The following PSEN1 variants were observed in gnomAD, a reference collection of about 807,000 sequenced individuals.
PSEN1 encodes the protein presenilin-1.
In PSEN1, 15 loss-of-function variants were observed where a neutral mutation model predicts 53.5. The ratio of observed to expected loss-of-function variants is 0.28; its 90% CI spans 0.19 to 0.43. PSEN1 has a LOEUF of 0.43. Among genes scored for constraint, PSEN1 ranks in the 20% least tolerant of loss-of-function variants. PSEN1 has a pLI of 1.00. For missense variants in PSEN1, 387 were observed against 571.2 expected, an observed-to-expected ratio of 0.68 and a Z score of 3.29; for synonymous variants, 208 against 209.8, an observed-to-expected ratio of 0.99 and a Z score of 0.08.
Position 73,220,534 on chromosome 14 carries a change from T to C in PSEN1, c.*1245T>C, listed in dbSNP as rs1367898818. 1 of 152,128 alleles carries C rather than the reference T, an allele frequency of 6.6e-6. No individual in the cohort carries two copies. Among genetic ancestry groups the C allele is most frequent in the Non-Finnish European group, 1.5e-5 (1 of 68,014 alleles). 9.4% of individuals were successfully genotyped at this position (152,128 alleles called of 1,614,324 possible). The stretch of plus-strand genomic sequence containing the variant: ...ACAAAGCAAGAGTTGGGGAAAGCCA[T>C]ATTTAACTTGGTGAGCTGTGGGAGA... On this transcript the variant is annotated 3_prime_UTR_variant, in exon 12 of 12. Transcript: ENST00000324501.
intron 1 of PSEN1, chr14:73,147,537 A>G (rs975752588): frequency 2.5e-4 from 48 of 194,830 alleles, no homozygotes; most frequent in African/African-American, 1.1e-3. Context: ...ACATTCCTTA[A>G]GATTACTCAG....
chr14:73,189,864 TG>T, intron 6 of PSEN1: 1 of 234,148 alleles, frequency 4.3e-6, no homozygotes, highest in East Asian at 1.5e-4. Context: ...AAGAAGCCCT[TG>T]ACCTTTACCA....
intron 8 of PSEN1, among the ~76,000 whole-genome samples, chr14:73,203,130 G>C (rs984520669): frequency 1.3e-5 from 2 of 152,150 alleles, no homozygotes; most frequent in African/African-American, 4.8e-5. Context: ...CCAGGCTGAA[G>C]TGCAATGGCA....
chr14:73,153,683 T>G (rs1353450777), intron 3 of PSEN1, among the ~76,000 whole-genome samples: 1 of 151,718 alleles, frequency 6.6e-6, no homozygotes, highest in Non-Finnish European at 1.5e-5. Context: ...TTTTGCCCAT[T>G]AAGTCTTAAA....
At chr14:73,190,953 A>G (rs770586574) in intron 6 of PSEN1, among the ~76,000 whole-genome samples, 24 of 152,240 alleles carry the variant, frequency 1.6e-4, no homozygotes, top group Non-Finnish European at 2.9e-4. Flanking sequence ...TTGGAATTTC[A>G]AAGTGGGAGA....
intron 6 of PSEN1, among the ~76,000 whole-genome samples, chr14:73,192,283 T>C (rs1566641729): frequency 6.6e-6 from 1 of 151,632 alleles, no homozygotes; most frequent in Non-Finnish European, 1.5e-5. Context: ...ACAAAAAAAA[T>C]TAGAAAAATT....
chr14:73,182,166 G>A (rs1595014871), intron 5 of PSEN1, among the ~76,000 whole-genome samples: 2 of 152,120 alleles, frequency 1.3e-5, no homozygotes, highest in African/African-American at 4.8e-5. Flanking sequence ...AGTGTTACAA[G>A]CATATGTTAC....
At chr14:73,142,519 G>A (rs1001479789) in intron 1 of PSEN1, among the ~76,000 whole-genome samples, 2 of 152,202 alleles carry the variant, frequency 1.3e-5, no homozygotes, top group African/African-American at 4.8e-5. Context: ...AAAAGAAAAT[G>A]GAATCAATAA....
chr14:73,201,173 C>T (rs188247683), intron 8 of PSEN1, among the ~76,000 whole-genome samples: 1,786 of 152,206 alleles, frequency 0.012, 21 homozygotes, highest in Middle Eastern at 0.051. Context: ...ACTGCAAGCT[C>T]CGCCTCCTGG....
chr14:73,154,037 T>C (rs1428613366), intron 3 of PSEN1, among the ~76,000 whole-genome samples: 1 of 152,090 alleles, frequency 6.6e-6, no homozygotes, highest in African/African-American at 2.4e-5. Flanking sequence ...CAAATATTAA[T>C]TATTGAAAAA....
chr14:73,174,689 A>G (rs900207373), intron 5 of PSEN1, among the ~76,000 whole-genome samples: 1 of 152,216 alleles, frequency 6.6e-6, no homozygotes, highest in African/African-American at 2.4e-5. Flanking sequence ...AGTACAGAAC[A>G]ATAAAGCCAT....
chr14:73,177,228 T>C (rs1898071402), intron 5 of PSEN1, among the ~76,000 whole-genome samples: 1 of 152,254 alleles, frequency 6.6e-6, no homozygotes, highest in African/African-American at 2.4e-5. Context: ...AATATAACTT[T>C]TAATGTAGTA....
At chr14:73,146,824 T>A (rs1483749158) in intron 1 of PSEN1, among the ~76,000 whole-genome samples, 1 of 152,220 alleles carries the variant, frequency 6.6e-6, no homozygotes, top group Non-Finnish European at 1.5e-5. Flanking sequence ...TAGCGTTAGG[T>A]ATGTACACGG....
rs1313729184 is a variant in PSEN1, at chr14:73,197,568, A to G, written c.770-463A>G. 1.8e-5 allele frequency: 3 copies of G among 171,180 alleles called. No homozygotes were observed. In the South Asian group the frequency reaches 4.2e-4, roughly 24 times the overall value. 10.6% of individuals were successfully genotyped at this position (171,180 alleles called of 1,614,324 possible). On this transcript the variant is annotated intron_variant, in intron 7 of 11. Coordinates refer to ENST00000324501, the MANE Select transcript of PSEN1 (RefSeq NM_000021.4). Reference sequence around the variant, plus strand: ...TTCTACTCTGCTCTTCATATTTTGAAAAGTTCAGTCAAATCCCCTTTATTA... The same window carrying G: ...TTCTACTCTGCTCTTCATATTTTGAGAAGTTCAGTCAAATCCCCTTTATTA...
At chr14:73,142,339 G>T (rs1320440470) in intron 1 of PSEN1, among the ~76,000 whole-genome samples, 1 of 152,186 alleles carries the variant, frequency 6.6e-6, no homozygotes, top group East Asian at 1.9e-4. Context: ...CAGTGCAGAT[G>T]CAGCAGAAAA....
chr14:73,209,140 G>T (rs999063040), intron 9 of PSEN1, among the ~76,000 whole-genome samples: 1 of 152,238 alleles, frequency 6.6e-6, no homozygotes, highest in South Asian at 2.1e-4. Context: ...GGGATGCCCA[G>T]GTCTACAGCC....
intron 3 of PSEN1, among the ~76,000 whole-genome samples, chr14:73,158,792 G>T (rs903611951): frequency 2.4e-4 from 37 of 152,102 alleles, no homozygotes; most frequent in African/African-American, 8.7e-4. Flanking sequence ...TACTACCAAA[G>T]AACTTTCCAA....
chr14:73,213,932 G>A (rs892975924), intron 10 of PSEN1, among the ~76,000 whole-genome samples: 5 of 152,102 alleles, frequency 3.3e-5, no homozygotes, highest in South Asian at 2.1e-4. Context: ...AAAACAGTTC[G>A]GTAGTTCTTT....
chr14:73,184,617 C>T (rs1253423935), intron 5 of PSEN1, among the ~76,000 whole-genome samples: 50 of 124,752 alleles, frequency 4.0e-4, no homozygotes, highest in Admixed American at 7.6e-4. Flanking sequence ...CCTCACCTCC[C>T]GGACGGGGCG....
Sources: allele counts gnomAD v4.1 joint callset (sites outside exome capture counted in the v4.1 genomes callset), GRCh38; gene constraint gnomAD v4.1.1; transcripts MANE v1.5; gene names NCBI Gene and HGNC (gene_info 2026-07-23, HGNC 2026-07-21).